Variants in CNTNAP2 observed in about 807,000 individuals in gnomAD.
The protein encoded by CNTNAP2 is contactin associated protein 2.
CNTNAP2 carries 98 observed loss-of-function variants against 155.2 expected under a neutral mutation model. The observed-to-expected ratio is 0.63, with a 90% CI of 0.54 to 0.75. The LOEUF (loss-of-function observed/expected upper bound fraction) is 0.75. Among genes scored for constraint, CNTNAP2 ranks in the 30% least tolerant of loss-of-function variants. CNTNAP2 has a pLI of 0.00. For missense variants in CNTNAP2, 1,727 were observed against 1,688.1 expected (o/e 1.02, Z -0.40); for synonymous variants, 651 against 631.2 (o/e 1.03, Z -0.47).
chr7:147,815,699 A>T (rs1798253237), intron 13 of CNTNAP2, among the ~76,000 whole-genome samples: 1 of 152,180 alleles, frequency 6.6e-6, no homozygotes, highest in Non-Finnish European at 1.5e-5. Context: ...TATTCCAGGG[A>T]TCCAGGTGTG....
intron 21 of CNTNAP2, among the ~76,000 whole-genome samples, chr7:148,353,814 G>A (rs115360547): frequency 1.5e-3 from 232 of 152,186 alleles, no homozygotes; most frequent in African/African-American, 5.3e-3. Flanking sequence ...GTACATTTTT[G>A]GGGTACAAAT....
intron 3 of CNTNAP2, among the ~76,000 whole-genome samples, chr7:146,849,258 A>G (rs1794826277): frequency 6.6e-6 from 1 of 152,160 alleles, no homozygotes; most frequent in African/African-American, 2.4e-5. Flanking sequence ...AGAGCACAAA[A>G]CAGATGTTTA....
intron 14 of CNTNAP2, among the ~76,000 whole-genome samples, chr7:147,945,153 T>C (rs1013946410): frequency 1.3e-5 from 2 of 152,182 alleles, no homozygotes; most frequent in African/African-American, 4.8e-5. Context: ...TTTGTAATGG[T>C]TTTACTACTC....
At chr7:147,098,877 C>T (rs1051989626) in intron 4 of CNTNAP2, among the ~76,000 whole-genome samples, 7 of 152,116 alleles carry the variant, frequency 4.6e-5, no homozygotes, top group African/African-American at 1.2e-4. Flanking sequence ...CTTCTCTGAG[C>T]ATTGAAGTTA....
intron 1 of CNTNAP2, among the ~76,000 whole-genome samples, chr7:146,456,716 A>G (rs915413039): frequency 1.3e-5 from 2 of 152,192 alleles, no homozygotes; most frequent in African/African-American, 2.4e-5. Flanking sequence ...CCTTGTCAGC[A>G]TCAGGCCTAA....
At chr7:146,429,247 T>A (rs945371294) in intron 1 of CNTNAP2, among the ~76,000 whole-genome samples, 5 of 152,192 alleles carry the variant, frequency 3.3e-5, no homozygotes, top group South Asian at 2.1e-4. Flanking sequence ...TTTAAAATAT[T>A]TTTTTTTCTA....
chr7:147,016,462 A>G (rs1195555278), intron 3 of CNTNAP2, among the ~76,000 whole-genome samples: 3 of 152,178 alleles, frequency 2.0e-5, no homozygotes, highest in South Asian at 2.1e-4. Flanking sequence ...TTAAAAACAT[A>G]CTATAAAGTA....
chr7:147,618,063 A>G (rs1463000677), intron 12 of CNTNAP2, among the ~76,000 whole-genome samples: 1 of 152,216 alleles, frequency 6.6e-6, no homozygotes, highest in Non-Finnish European at 1.5e-5. Flanking sequence ...TGCCCAAAGA[A>G]AACAGACAAA....
At chr7:148,299,180 C>T (rs1251373178) in intron 21 of CNTNAP2, among the ~76,000 whole-genome samples, 3 of 151,998 alleles carry the variant, frequency 2.0e-5, no homozygotes, top group Non-Finnish European at 4.4e-5. Context: ...TTAGTAGAGA[C>T]AGGGCTTCAC....
At chr7:147,356,383 T>C (rs1796062166) in intron 9 of CNTNAP2, among the ~76,000 whole-genome samples, 1 of 152,100 alleles carries the variant, frequency 6.6e-6, no homozygotes, top group African/African-American at 2.4e-5. Flanking sequence ...AAGACAGGGA[T>C]GGCCTCTCTC....
At chr7:147,021,394 C>A (rs554880866) in intron 3 of CNTNAP2, among the ~76,000 whole-genome samples, 16 of 152,070 alleles carry the variant, frequency 1.1e-4, no homozygotes, top group African/African-American at 3.9e-4. Flanking sequence ...TTTCATAGGT[C>A]CAATTAAAAT....
chr7:148,248,514 T>A (rs988436859), intron 20 of CNTNAP2, among the ~76,000 whole-genome samples: 5 of 152,218 alleles, frequency 3.3e-5, no homozygotes, highest in Admixed American at 3.3e-4. Flanking sequence ...TCTATAATTT[T>A]AAACAAATGT....
chr7:146,819,560 C>T (rs1051687301), intron 2 of CNTNAP2, among the ~76,000 whole-genome samples: 6 of 152,096 alleles, frequency 3.9e-5, no homozygotes, highest in African/African-American at 1.4e-4. Flanking sequence ...TTCACTAGAT[C>T]ATCCCATCTA....
At chr7:147,084,837 G>T (rs1800238254) in intron 4 of CNTNAP2, among the ~76,000 whole-genome samples, 1 of 147,872 alleles carries the variant, frequency 6.8e-6, no homozygotes, top group African/African-American at 2.5e-5. Context: ...TTATATATAT[G>T]CTATGTATAG....
intron 15 of CNTNAP2, among the ~76,000 whole-genome samples, chr7:148,060,462 C>T (rs1047516256): frequency 2.6e-5 from 4 of 152,096 alleles, no homozygotes; most frequent in Admixed American, 2.6e-4. Context: ...TAAAATGGAA[C>T]ATTTTGCAAG....
At chr7:148,186,458 T>C (rs1224696921) in intron 18 of CNTNAP2, among the ~76,000 whole-genome samples, 1 of 152,208 alleles carries the variant, frequency 6.6e-6, no homozygotes, top group East Asian at 1.9e-4. Flanking sequence ...TACACTAGAA[T>C]GATGTCCTCT....
intron 12 of CNTNAP2, among the ~76,000 whole-genome samples, chr7:147,592,338 A>C (rs1800751598): frequency 6.6e-6 from 1 of 152,188 alleles, no homozygotes; most frequent in Non-Finnish European, 1.5e-5. Flanking sequence ...CAATTTTACT[A>C]AACAAAATGG....
chr7:147,289,697 G>T (rs77384406), intron 8 of CNTNAP2, among the ~76,000 whole-genome samples: 13,131 of 152,182 alleles, frequency 0.086, 1,187 homozygotes, highest in East Asian at 0.39. Context: ...AATCAGTAAT[G>T]GTTGAAAAAG....
intron 3 of CNTNAP2, among the ~76,000 whole-genome samples, chr7:146,840,243 A>G (rs141959275): frequency 1.1e-3 from 166 of 152,294 alleles, no homozygotes; most frequent in Non-Finnish European, 1.6e-3. Flanking sequence ...GCGATCTTCA[A>G]TTGAAGGAAA....
Sources: gnomAD v4.1 joint callset for allele counts (sites outside exome capture counted in the v4.1 genomes callset) on GRCh38, gnomAD v4.1.1 for gene constraint, MANE v1.5 for transcripts, NCBI Gene and HGNC (gene_info 2026-07-23, HGNC 2026-07-21) for gene names.